Variants in CNTN5 observed in about 807,000 individuals in gnomAD.
CNTN5 encodes contactin 5, also known as contactin-5.
Under a neutral mutation model 129.1 loss-of-function variants are expected in CNTN5, and 77 were observed. The observed-to-expected ratio is 0.60, with a 90% CI of 0.50 to 0.72. CNTN5 has a LOEUF of 0.72. Among genes scored for constraint, CNTN5 ranks in the 30% least tolerant of loss-of-function variants. CNTN5 has a pLI of 0.00. For synonymous variants in CNTN5, 509 were observed against 465.6 expected (o/e 1.09, Z -1.20); for missense variants, 1,478 against 1,328.8 (o/e 1.11, Z -1.75).
chr11:100,001,370 C>T (rs1465159481), intron 8 of CNTN5, among the ~76,000 whole-genome samples: 1 of 152,148 alleles, frequency 6.6e-6, no homozygotes, highest in Non-Finnish European at 1.5e-5. Context: ...CCTCCTACCA[C>T]GTGCCTCTCG....
chr11:99,099,912 A>C (rs1591188192), intron 1 of CNTN5, among the ~76,000 whole-genome samples: 2 of 152,174 alleles, frequency 1.3e-5, no homozygotes. Flanking sequence ...CCTGAACTCA[A>C]AGTACCTTTT....
At chr11:99,140,460 CTTTTA>C (rs142985840) in intron 1 of CNTN5, among the ~76,000 whole-genome samples, 8 of 149,992 alleles carry the variant, frequency 5.3e-5, no homozygotes, top group Non-Finnish European at 7.4e-5. Flanking sequence ...ATTTGGATGC[CTTTTA>C]TTTTATTTTA....
intron 21 of CNTN5, among the ~76,000 whole-genome samples, chr11:100,324,673 A>G: frequency 6.6e-6 from 1 of 152,146 alleles, no homozygotes; most frequent in Non-Finnish European, 1.5e-5. Context: ...TGTTAGGAAA[A>G]TATTTAATTA....
At chr11:99,521,440 A>T (rs1373776438) in intron 2 of CNTN5, among the ~76,000 whole-genome samples, 1 of 152,164 alleles carries the variant, frequency 6.6e-6, no homozygotes, top group Non-Finnish European at 1.5e-5. Flanking sequence ...TGTAATCTCT[A>T]AAAAAATAAT....
At position 100,018,048 on chromosome 11, in the gene CNTN5, A is replaced by G. The variant is rs57627694; in HGVS notation, c.980+15912A>G. Among the ~76,000 whole-genome samples, 212 of 152,140 alleles carry G rather than the reference A, an allele frequency of 1.4e-3. 2 individuals are homozygous for G. Among genetic ancestry groups the G allele is most frequent in the African/African-American group, 5.0e-3 (207 of 41,542 alleles). ...ATTCTAATACATTTTCCGTGACTTA[A>G]ATGTGTAGAGAAAACACAATATATT... On this transcript the variant is annotated intron_variant, in intron 9 of 24. Transcript: ENST00000524871.
At chr11:99,274,126 A>G (rs536182315) in intron 1 of CNTN5, among the ~76,000 whole-genome samples, 1 of 151,914 alleles carries the variant, frequency 6.6e-6, no homozygotes, top group African/African-American at 2.4e-5. Context: ...TATGTCAAAC[A>G]TTTCCATCAT....
At chr11:99,355,919 T>G (rs559096640) in intron 2 of CNTN5, among the ~76,000 whole-genome samples, 2 of 151,720 alleles carry the variant, frequency 1.3e-5, no homozygotes, top group Non-Finnish European at 2.9e-5. Flanking sequence ...CTCCGCCACT[T>G]GGGTTCATGC....
chr11:99,448,905 C>A (rs749232978), intron 2 of CNTN5, among the ~76,000 whole-genome samples: 1 of 151,530 alleles, frequency 6.6e-6, no homozygotes, highest in African/African-American at 2.4e-5. Flanking sequence ...CCCAGCCTCC[C>A]GAGTAGCTGG....
intron 1 of CNTN5, among the ~76,000 whole-genome samples, chr11:99,200,451 C>T (rs1390175786): frequency 6.6e-6 from 1 of 152,164 alleles, no homozygotes; most frequent in Non-Finnish European, 1.5e-5. Context: ...TTGCATCTTT[C>T]CCAACACGTT....
intron 1 of CNTN5, among the ~76,000 whole-genome samples, chr11:99,143,003 A>G (rs1469772611): frequency 6.6e-6 from 1 of 150,656 alleles, no homozygotes; most frequent in African/African-American, 2.5e-5. Flanking sequence ...CTGTGTCCCC[A>G]CTCTGTCCAC....
chr11:99,581,292 A>G (rs1318641778), intron 3 of CNTN5, among the ~76,000 whole-genome samples: 3 of 142,878 alleles, frequency 2.1e-5, no homozygotes, highest in Non-Finnish European at 4.5e-5. Flanking sequence ...GTGGTGCTGA[A>G]AAGAATGTAT....
chr11:100,135,655 C>CGAGT (rs908139885), intron 13 of CNTN5, among the ~76,000 whole-genome samples: 33 of 151,984 alleles, frequency 2.2e-4, no homozygotes, highest in Non-Finnish European at 3.4e-4. Flanking sequence ...ACTAATATGA[C>CGAGT]GAGTTTTCTT....
intron 10 of CNTN5, among the ~76,000 whole-genome samples, chr11:100,070,165 C>CAAAAA (rs3061793): frequency 3.7e-5 from 4 of 109,228 alleles, no homozygotes; most frequent in Non-Finnish European, 8.0e-5. Context: ...ACTTAAAGTC[C>CAAAAA]AAAAAAAAAA....
At chr11:99,715,485 C>G (rs1342389139) in intron 3 of CNTN5, among the ~76,000 whole-genome samples, 1 of 151,326 alleles carries the variant, frequency 6.6e-6, no homozygotes, top group Non-Finnish European at 1.5e-5. Flanking sequence ...AACATTCGAG[C>G]AGGCCATGAA....
chr11:100,029,158 A>AC (rs1759847325), intron 9 of CNTN5, among the ~76,000 whole-genome samples: 2 of 152,130 alleles, frequency 1.3e-5, no homozygotes, highest in Non-Finnish European at 2.9e-5. Context: ...ATATAGAAAA[A>AC]AAAAAATGAC....
chr11:99,031,477 GTA>G (rs1863369424), intron 1 of CNTN5, among the ~76,000 whole-genome samples: 1 of 151,816 alleles, frequency 6.6e-6, no homozygotes, highest in African/African-American at 2.4e-5. Flanking sequence ...TTTCAAAAAG[GTA>G]TGAGAAAAAT....
chr11:99,785,061 C>CGCCTGCCTCT (rs370854311), intron 3 of CNTN5, among the ~76,000 whole-genome samples: 1 of 151,768 alleles, frequency 6.6e-6, no homozygotes, highest in African/African-American at 2.4e-5. Flanking sequence ...CGCCTGCCTC[C>CGCCTGCCTCT]ACCTGCCTAT....
intron 15 of CNTN5, among the ~76,000 whole-genome samples, chr11:100,210,247 G>C (rs2138583757): frequency 6.7e-6 from 1 of 149,906 alleles, no homozygotes; most frequent in Non-Finnish European, 1.5e-5. Context: ...AGCTACAAGG[G>C]AGACAGGTGG....
At chr11:100,164,175 C>G (rs1947547055) in intron 13 of CNTN5, among the ~76,000 whole-genome samples, 1 of 151,778 alleles carries the variant, frequency 6.6e-6, no homozygotes, top group Non-Finnish European at 1.5e-5. Flanking sequence ...TCATGATTCT[C>G]TATGTCCATC....
Sources: gnomAD v4.1 joint callset for allele counts (sites outside exome capture counted in the v4.1 genomes callset) on GRCh38, gnomAD v4.1.1 for gene constraint, MANE v1.5 for transcripts, NCBI Gene and HGNC (gene_info 2026-07-23, HGNC 2026-07-21) for gene names.